Variants in POU2F1 observed in about 807,000 individuals in gnomAD.
POU2F1 encodes the protein POU class 2 homeobox 1.
Under a neutral mutation model 84.9 loss-of-function variants are expected in POU2F1, and 16 were observed. The observed-to-expected ratio is 0.19, with a 90% CI of 0.13 to 0.29. The LOEUF is 0.29. POU2F1 is among the 10% of genes least tolerant of loss of function. POU2F1 has a pLI of 1.00. For synonymous variants in POU2F1, 368 were observed against 368.3 expected (o/e 1.00, Z 0.01); for missense variants, 738 against 942.6 (o/e 0.78, Z 2.84).
chr1:167,300,966 C>A (rs550236955), intron 1 of POU2F1, among the ~76,000 whole-genome samples: 5 of 152,086 alleles, frequency 3.3e-5, no homozygotes, highest in African/African-American at 1.2e-4. Context: ...GGTGAGGTTT[C>A]ACCATGTTGG....
At chr1:167,245,093 T>C (rs1190822911) in intron 1 of POU2F1, among the ~76,000 whole-genome samples, 1 of 152,170 alleles carries the variant, frequency 6.6e-6, no homozygotes, top group Non-Finnish European at 1.5e-5. Flanking sequence ...TTTAAAAAAA[T>C]CCGTGCCCTT....
intron 2 of POU2F1, among the ~76,000 whole-genome samples, chr1:167,351,330 G>A (rs1428941360): frequency 6.6e-6 from 1 of 151,918 alleles, no homozygotes; most frequent in East Asian, 1.9e-4. Context: ...ATTCCAACTT[G>A]GGCAACAAGA....
chr1:167,276,416 C>T (rs538323678), intron 1 of POU2F1, among the ~76,000 whole-genome samples: 49 of 152,058 alleles, frequency 3.2e-4, no homozygotes, highest in Admixed American at 7.9e-4. Flanking sequence ...GTTAATCTTA[C>T]TATGCCTAAT....
intron 1 of POU2F1, among the ~76,000 whole-genome samples, chr1:167,222,493 C>A (rs889217444): frequency 1.3e-5 from 2 of 151,374 alleles, no homozygotes; most frequent in East Asian, 1.9e-4. Context: ...TTTTTTTTTT[C>A]CTTGGCAATC....
rs114520210 is a variant in POU2F1 at position 167,276,176 on chromosome 1, A to T, written c.61+55218A>T. ...GAGTAGTGAGATGAAATCTCACGGC[A>T]TCCCACTCTGTTCTGCCGAGGACGT... On this transcript the variant is annotated intron_variant, in intron 1 of 15. Coordinates refer to ENST00000367866, the MANE Select transcript of POU2F1 (RefSeq NM_002697.4). Among the ~76,000 whole-genome samples the T allele has an allele frequency of 7.6e-3, 1,158 of 152,346 alleles. 6 individuals are homozygous for T. Among genetic ancestry groups the T allele is most frequent in the Middle Eastern group, 0.02 (6 of 294 alleles).
At chr1:167,255,505 A>G (rs1440577013) in intron 1 of POU2F1, among the ~76,000 whole-genome samples, 1 of 152,218 alleles carries the variant, frequency 6.6e-6, no homozygotes, top group Admixed American at 6.5e-5. Flanking sequence ...TATGGTGCTG[A>G]AAACAAGCAT....
chr1:167,308,389 C>T (rs1461931782), intron 1 of POU2F1, among the ~76,000 whole-genome samples: 1 of 151,526 alleles, frequency 6.6e-6, no homozygotes, highest in Non-Finnish European at 1.5e-5. Context: ...GATTACGTTA[C>T]CTTTGATCGC....
At chr1:167,260,901 C>A (rs1651515673) in intron 1 of POU2F1, among the ~76,000 whole-genome samples, 1 of 152,062 alleles carries the variant, frequency 6.6e-6, no homozygotes, top group South Asian at 2.1e-4. Flanking sequence ...AATTTTAATG[C>A]ATTAGCTCTT....
chr1:167,236,037 T>C (rs1315025717), intron 1 of POU2F1, among the ~76,000 whole-genome samples: 1 of 152,208 alleles, frequency 6.6e-6, no homozygotes, highest in Non-Finnish European at 1.5e-5. Context: ...ACTATTAGTC[T>C]TTTAAATTTT....
At chr1:167,413,437 C>G (rs1375378346) in intron 15 of POU2F1, among the ~76,000 whole-genome samples, 4 of 152,042 alleles carry the variant, frequency 2.6e-5, no homozygotes, top group African/African-American at 9.7e-5. Context: ...TTTTTTTCCC[C>G]TGATAAGTTT....
intron 1 of POU2F1, among the ~76,000 whole-genome samples, chr1:167,296,146 T>C (rs962103040): frequency 2.6e-5 from 4 of 152,252 alleles, no homozygotes; most frequent in East Asian, 3.9e-4. Context: ...AGTTCATCCA[T>C]TGAGCCTTTT....
intron 1 of POU2F1, among the ~76,000 whole-genome samples, chr1:167,331,503 A>G (rs1366235338): frequency 6.6e-6 from 1 of 152,260 alleles, no homozygotes; most frequent in Admixed American, 6.5e-5. Context: ...TAAATAAGTT[A>G]ATGTGGGTAA....
chr1:167,266,360 C>G, intron 1 of POU2F1, among the ~76,000 whole-genome samples: 2 of 152,092 alleles, frequency 1.3e-5, no homozygotes, highest in Middle Eastern at 3.4e-3. Context: ...GGTAGTAATT[C>G]TATTGTAAGG....
intron 1 of POU2F1, chr1:167,303,679 T>A (rs1654866751): frequency 6.6e-6 from 1 of 152,184 alleles, no homozygotes; most frequent in Non-Finnish European, 1.5e-5. Context: ...TAAAATGACT[T>A]ATCAAATATA....
At chr1:167,244,424 C>G (rs1312379549) in intron 1 of POU2F1, among the ~76,000 whole-genome samples, 1 of 152,230 alleles carries the variant, frequency 6.6e-6, no homozygotes, top group African/African-American at 2.4e-5. Flanking sequence ...AGGCTGTTCT[C>G]CATTCCTTGC....
At position 167,344,742 on chromosome 1, in the gene POU2F1, G is replaced by T. The variant is rs538140429; in HGVS notation, c.127+12207G>T. On this transcript the variant is annotated intron_variant, in intron 2 of 15. Coordinates refer to ENST00000367866, the MANE Select transcript of POU2F1 (RefSeq NM_002697.4). ...AGTGTTAGCTATCTATTAGGAGGAAGGGGAGGATGATAGAGAAGGAAAGAA... is the reference window on the plus strand; with the variant it reads ...AGTGTTAGCTATCTATTAGGAGGAATGGGAGGATGATAGAGAAGGAAAGAA... 1.1e-4 allele frequency among the ~76,000 whole-genome samples: 16 copies of T among 152,278 alleles called. No homozygotes were observed. The South Asian group carries it at 2.3e-3, about 22-fold the overall frequency.
chr1:167,311,772 AT>A (rs1407808814), intron 1 of POU2F1, among the ~76,000 whole-genome samples: 1 of 2,344 alleles, frequency 4.3e-4, no homozygotes, highest in East Asian at 0.033. Context: ...ACAAAAAATC[AT>A]TTATTTATTT....
intron 1 of POU2F1, among the ~76,000 whole-genome samples, chr1:167,312,367 C>A (rs1557886427): frequency 1.3e-5 from 2 of 151,978 alleles, no homozygotes; most frequent in Admixed American, 6.6e-5. Context: ...GAATTACAAG[C>A]ATGTGCCACC....
intron 1 of POU2F1, among the ~76,000 whole-genome samples, chr1:167,331,272 TATAAA>T (rs763382337): frequency 1.6e-4 from 24 of 152,066 alleles, no homozygotes; most frequent in African/African-American, 3.6e-4. Context: ...AAATGAAACT[TATAAA>T]AGAAAGACTC....
Sources: allele counts gnomAD v4.1 joint callset (sites outside exome capture counted in the v4.1 genomes callset), GRCh38; gene constraint gnomAD v4.1.1; transcripts MANE v1.5; gene names NCBI Gene and HGNC (gene_info 2026-07-23, HGNC 2026-07-21).